NCKAP1: variants seen among roughly 807,000 people sequenced by gnomAD.
NCKAP1 encodes nck-associated protein 1.
Under a neutral mutation model 151.2 loss-of-function variants are expected in NCKAP1, and 21 were observed. That is an observed-to-expected ratio of 0.14 (90% CI 0.10 to 0.20). The LOEUF (loss-of-function observed/expected upper bound fraction) is 0.20. Ranked by LOEUF, NCKAP1 falls within the 10% of genes least tolerant of loss-of-function variation. The pLI, the probability that NCKAP1 is intolerant of heterozygous loss-of-function variation, is 1.00. For missense variants in NCKAP1, 933 were observed against 1,352.1 expected (o/e 0.69, Z 4.86); for synonymous variants, 484 against 451.8 (o/e 1.07, Z -0.90).
intron 3 of NCKAP1, 70 bp from the exon 4 acceptor site, chr2:183,003,100 T>A: frequency 7.1e-7 from 1 of 1,404,208 alleles, no homozygotes; most frequent in African/African-American, 1.5e-5. Flanking sequence ...CACAAACAAA[T>A]AAGGTATGTG....
intron 2 of NCKAP1, among the ~76,000 whole-genome samples, chr2:183,004,186 T>C (rs1698423677): frequency 6.6e-6 from 1 of 151,956 alleles, no homozygotes; most frequent in South Asian, 2.1e-4. Context: ...AATCTGAATC[T>C]GCCCTTTAAC....
rs1699008881 is a variant in NCKAP1, at chr2:183,031,780, T to A, written c.108+6212A>T. On this transcript the variant is annotated intron_variant, in intron 1 of 30. Transcript: ENST00000361354. ...CCAAAAACGTGAGATAACTGGAATA[T>A]CTATTTAAGATTACAAGAGTTAGAA... is the stretch of plus-strand genomic sequence containing the variant. Among the ~76,000 whole-genome samples the A allele has an allele frequency of 3.9e-5, 6 of 152,280 alleles. No homozygotes were observed. In the South Asian group the frequency reaches 1.2e-3, roughly 32 times the overall value.
chr2:182,999,952 T>TG lies in NCKAP1; in HGVS notation c.603+2000dup, dbSNP rs750499291. Among the ~76,000 whole-genome samples, 8 of 152,138 alleles carry TG rather than the reference T, an allele frequency of 5.3e-5. 1 individual carries two copies. The highest frequency in any genetic ancestry group is 1.0e-4 in the Non-Finnish European group (7 of 68,032). On this transcript the variant is annotated intron_variant, in intron 6 of 30. Transcript: ENST00000361354. ...TCACTTATAAGGGGAAGCTAAGCAT[T>TG]GGGTACACATGGACACAAAGAAACA...
At chr2:182,943,391 T>A (rs747871994) in intron 23 of NCKAP1, among the ~76,000 whole-genome samples, 4 of 152,170 alleles carry the variant, frequency 2.6e-5, no homozygotes, top group Non-Finnish European at 4.4e-5. Context: ...GATTGTTTCT[T>A]ATTATGCTGC....
intron 2 of NCKAP1, among the ~76,000 whole-genome samples, chr2:183,015,969 G>A (rs1698679818): frequency 6.6e-6 from 1 of 152,026 alleles, no homozygotes; most frequent in Non-Finnish European, 1.5e-5. Flanking sequence ...GCTTGAGAGG[G>A]GAAGTAAGGG....
In NCKAP1 at chr2:182,957,213, T is replaced by TAGTATAAAAGTA. The variant is rs1697345549; in HGVS notation, c.2021+243_2021+244insTACTTTTATACT. On this transcript the variant is annotated intron_variant, in intron 19 of 30. Coordinates refer to ENST00000361354, the MANE Select transcript of NCKAP1 (RefSeq NM_013436.5). The stretch of plus-strand genomic sequence containing the variant: ...AATTTTTTAAACATATAATTGGCCT[T>TAGTATAAAAGTA]CAGTACTTAGTATAAAAAGACAAAT... 2.0e-5 allele frequency: 7 copies of TAGTATAAAAGTA among 345,926 alleles called. No individual in the cohort carries two copies. The Admixed American group carries it at 3.2e-4, about 16-fold the overall frequency. 21.4% of individuals were successfully genotyped at this position (345,926 alleles called of 1,614,324 possible). A position where few individuals can be genotyped will look rare whatever the true frequency, so the allele number is the denominator to read the frequency against.
chr2:182,956,133 C>T (rs1289728542), intron 20 of NCKAP1, among the ~76,000 whole-genome samples: 5 of 152,212 alleles, frequency 3.3e-5, no homozygotes, highest in Admixed American at 6.5e-5. Context: ...GTGTGTCTCC[C>T]GGGTTCACGC....
At chr2:182,945,459 C>T (rs1217486162) in intron 23 of NCKAP1, among the ~76,000 whole-genome samples, 1 of 151,922 alleles carries the variant, frequency 6.6e-6, no homozygotes, top group African/African-American at 2.4e-5. Flanking sequence ...TAAAATATTA[C>T]AATTCCCCCC....
intron 20 of NCKAP1, among the ~76,000 whole-genome samples, chr2:182,955,936 C>T (rs1381970823): frequency 2.0e-5 from 3 of 152,172 alleles, no homozygotes; most frequent in African/African-American, 7.2e-5. Flanking sequence ...GAAGCTATGA[C>T]TCAGAGATAT....
At chr2:182,964,227 T>C (rs983554805) in intron 17 of NCKAP1, among the ~76,000 whole-genome samples, 6 of 152,188 alleles carry the variant, frequency 3.9e-5, no homozygotes, top group Non-Finnish European at 8.8e-5. Context: ...ATCCCACAAG[T>C]ATCACAAAAT....
At chr2:183,015,746 T>G (rs1406946990) in intron 2 of NCKAP1, among the ~76,000 whole-genome samples, 1 of 151,682 alleles carries the variant, frequency 6.6e-6, no homozygotes, top group East Asian at 1.9e-4. Flanking sequence ...AATATTTAAT[T>G]TTTTTCAACC....
In NCKAP1 at chr2:183,034,447, C is replaced by T. The variant is rs377634445; in HGVS notation, c.108+3545G>A. ...GCAGAAATTTAACAGGAGGAAAAGACGCAAGTATTAACTAAGATCTTTTTA... is the reference window on the plus strand; with the variant it reads ...GCAGAAATTTAACAGGAGGAAAAGATGCAAGTATTAACTAAGATCTTTTTA... On this transcript the variant is annotated intron_variant, in intron 1 of 30. Transcript: ENST00000361354. Among the ~76,000 whole-genome samples, 10 of 148,916 alleles carry T rather than the reference C, an allele frequency of 6.7e-5. No individual in the cohort carries two copies. In the East Asian group the frequency reaches 9.8e-4, roughly 15 times the overall value.
Position 182,981,305 on chromosome 2 carries a change from T to C in NCKAP1, c.1280A>G (p.Gln427Arg). 6.2e-7 allele frequency: 1 copy of C among 1,613,272 alleles called. No individual in the cohort carries two copies. Among genetic ancestry groups the C allele is most frequent in the Non-Finnish European group, 8.5e-7 (1 of 1,179,214 alleles). ...AHVRKYGPVMQRYYVQYLSGF... is the reference protein window; with the variant it reads ...AHVRKYGPVMRRYYVQYLSGF... ...AGAAAGGTACTGCACGTAATACCTC[T>C]GCATTACAGGTCCGTATTTCCTCAC... Residue 427 changes from glutamine (Q) to arginine (R), a missense_variant, in exon 13 of 31, where the codon CAG becomes CGG. Physicochemically the swap from Gln to Arg is conservative, Grantham distance 43. This residue lies in a region of NCKAP1 where 607 missense variants were observed against 795.0 expected (regional missense o/e 0.76). Coordinates refer to ENST00000361354, the MANE Select transcript of NCKAP1 (RefSeq NM_013436.5).
chr2:183,029,634 CAAGAGGG>C (rs2105898911), intron 1 of NCKAP1, among the ~76,000 whole-genome samples: 1 of 151,830 alleles, frequency 6.6e-6, no homozygotes, highest in South Asian at 2.1e-4. Context: ...CCACCTTGGG[CAAGAGGG>C]AGACCCTGTC....
chr2:183,037,955 GC>G (rs1374815107), intron 1 of NCKAP1, 36 bp downstream of exon 1: 1 of 1,515,254 alleles, frequency 6.6e-7, no homozygotes, highest in East Asian at 2.5e-5. Context: ...TCCCGGGCCC[GC>G]CCGCCTCCGC....
chr2:183,038,193 C>G lies in NCKAP1; in HGVS notation c.-94G>C, dbSNP rs1699144991. ...AGCCTCTCTCGGGCCTCCTCCCCTC[C>G]CGCCCGCGACCTCCGCCTTAGGAGA... On this transcript the variant is annotated 5_prime_UTR_variant, in exon 1 of 31. Coordinates refer to ENST00000361354, the MANE Select transcript of NCKAP1 (RefSeq NM_013436.5). 7.4e-6 allele frequency: 6 copies of G among 811,888 alleles called. No individual in the cohort carries two copies. The East Asian group carries it at 2.0e-4, about 27-fold the overall frequency. The allele number at this position is 811,888 out of a possible 1,614,324, so 50.3% of individuals were successfully genotyped here. A position where few individuals can be genotyped will look rare whatever the true frequency, so the allele number is the denominator to read the frequency against.
intron 2 of NCKAP1, among the ~76,000 whole-genome samples, chr2:183,006,937 T>C (rs1698482903): frequency 6.6e-6 from 1 of 152,206 alleles, no homozygotes; most frequent in Admixed American, 6.5e-5. Context: ...AGTGGTGTGA[T>C]GTCGGCTCAC....
intron 3 of NCKAP1, 100 bp from the exon 4 acceptor site, chr2:183,003,130 G>T: frequency 7.7e-7 from 1 of 1,301,104 alleles, no homozygotes; most frequent in Admixed American, 2.3e-5. Flanking sequence ...AGTTCTGGAA[G>T]AATTTCAATT....
In NCKAP1 at chr2:183,022,434, A is replaced by G. The variant is rs531983471; in HGVS notation, c.219+1372T>C. Among the ~76,000 whole-genome samples the G allele has an allele frequency of 3.3e-4, 50 of 152,348 alleles. 1 individual carries two copies. The highest frequency in any genetic ancestry group is 1.2e-3 in the African/African-American group (49 of 41,586). On this transcript the variant is annotated intron_variant, in intron 2 of 30. Transcript: ENST00000361354. The stretch of plus-strand genomic sequence containing the variant: ...AAGTGTTAAGAAGTGCAAGTTTTGA[A>G]TCACCTATTTTGCAATCAGGAACTA...
Sources: gnomAD v4.1 joint callset for allele counts (sites outside exome capture counted in the v4.1 genomes callset) on GRCh38, gnomAD v4.1.1 for gene constraint, gnomAD v4.1.1 regional missense constraint, MANE v1.5 for transcripts, NCBI Gene and HGNC (gene_info 2026-07-23, HGNC 2026-07-21) for gene names.